RBFOX2: variants seen among roughly 807,000 people sequenced by gnomAD.
The protein encoded by RBFOX2 is RNA binding fox-1 homolog 2.
A neutral mutation model predicts 49.1 loss-of-function variants in RBFOX2; 10 were observed. That is an observed-to-expected ratio of 0.20 (90% CI 0.13 to 0.35). The LOEUF (loss-of-function observed/expected upper bound fraction) is 0.35. RBFOX2 is among the 10% of genes least tolerant of loss of function. RBFOX2 has a pLI of 1.00. For missense variants in RBFOX2, 323 were observed against 486.9 expected (o/e 0.66, Z 3.17); for synonymous variants, 183 against 187.4 (o/e 0.98, Z 0.19).
At chr22:35,975,766 C>T (rs2057115979) in intron 1 of RBFOX2, among the ~76,000 whole-genome samples, 1 of 151,812 alleles carries the variant, frequency 6.6e-6, no homozygotes. Flanking sequence ...CCCACTTGAT[C>T]ACTAGTGTTT....
chr22:35,942,171 A>G (rs2149772610), upstream of RBFOX2, among the ~76,000 whole-genome samples: 1 of 152,282 alleles, frequency 6.6e-6, no homozygotes, highest in East Asian at 1.9e-4. Context: ...TTTCCACTTA[A>G]TGGTTTTTGT....
exon 1 of RBFOX2, among the ~76,000 whole-genome samples, chr22:36,028,644 T>C (rs1313484692): frequency 6.7e-6 from 1 of 148,398 alleles, no homozygotes; most frequent in Non-Finnish European, 1.5e-5. Context: ...CGCCGGGTTG[T>C]CGGCGCGGGG....
At chr22:35,923,945 CAA>C (rs11295577) in intron 1 of RBFOX2, among the ~76,000 whole-genome samples, 10 of 134,096 alleles carry the variant, frequency 7.5e-5, no homozygotes, top group African/African-American at 2.1e-4. Context: ...AAGTAAAATG[CAA>C]AAAAAAAAAA....
chr22:35,744,306 G>A, intron 11 of RBFOX2, 57 bp from the exon 14 acceptor site: 2 of 1,489,538 alleles, frequency 1.3e-6, no homozygotes, highest in Admixed American at 2.0e-5. Flanking sequence ...AGCATTAACA[G>A]TGAAGAAAAA....
chr22:35,887,178 T>C (rs1227600159), intron 1 of RBFOX2, among the ~76,000 whole-genome samples: 2 of 151,932 alleles, frequency 1.3e-5, no homozygotes, highest in East Asian at 1.9e-4. Context: ...TTAAAACAAA[T>C]AGTAAAGGCG....
chr22:35,945,689 G>A (rs1363749334), intron 1 of RBFOX2, among the ~76,000 whole-genome samples: 1 of 152,060 alleles, frequency 6.6e-6, no homozygotes, highest in East Asian at 1.9e-4. Context: ...GTCCTGCCTC[G>A]GCCTCCCAAA....
At chr22:35,919,019 T>G (rs1207476101) in intron 1 of RBFOX2, among the ~76,000 whole-genome samples, 1 of 152,168 alleles carries the variant, frequency 6.6e-6, no homozygotes, top group Non-Finnish European at 1.5e-5. Context: ...ATGTGGTATA[T>G]CCACATAATG....
chr22:35,843,669 T>C (rs2040802397), upstream of RBFOX2, among the ~76,000 whole-genome samples: 5 of 152,358 alleles, frequency 3.3e-5, no homozygotes, highest in South Asian at 1.0e-3. Flanking sequence ...CCTCTTTCCC[T>C]GTTCACCCTC....
intron 1 of RBFOX2, among the ~76,000 whole-genome samples, chr22:35,976,158 A>G (rs1362227088): frequency 6.6e-6 from 1 of 152,182 alleles, no homozygotes; most frequent in African/African-American, 2.4e-5. Context: ...GCTGAACAAC[A>G]TGGTTACTAA....
chr22:35,909,147 C>T (rs1282183172), intron 1 of RBFOX2, among the ~76,000 whole-genome samples: 1 of 152,090 alleles, frequency 6.6e-6, no homozygotes, highest in Non-Finnish European at 1.5e-5. Flanking sequence ...CAGCACATCT[C>T]GCTATCTTTC....
upstream of RBFOX2, among the ~76,000 whole-genome samples, chr22:35,942,255 T>C (rs1372981568): frequency 6.6e-6 from 1 of 152,132 alleles, no homozygotes; most frequent in Admixed American, 6.5e-5. Context: ...TTAGCAAAAA[T>C]GAAAACACCA....
chr22:35,886,408 C>T lies in RBFOX2; in HGVS notation c.-34+52439G>A, dbSNP rs145141395. 1.2e-3 allele frequency among the ~76,000 whole-genome samples: 176 copies of T among 152,274 alleles called. 1 individual carries two copies. In the East Asian group the frequency reaches 0.016, roughly 14 times the overall value. ...GAATGTAATGCTTTCAACTGGATTACAACTTTTAAAAGCAATATAGTCATG... is the reference window on the plus strand; with the variant it reads ...GAATGTAATGCTTTCAACTGGATTATAACTTTTAAAAGCAATATAGTCATG... On this transcript the variant is annotated intron_variant, in intron 1 of 13. Transcript: ENST00000359369.
At chr22:35,876,887 A>G (rs1294755051) in intron 1 of RBFOX2, among the ~76,000 whole-genome samples, 2 of 152,184 alleles carry the variant, frequency 1.3e-5, no homozygotes, top group Non-Finnish European at 2.9e-5. Context: ...GATAGCTAAA[A>G]TAGCAGAAAA....
chr22:35,978,383 T>C (rs1344470540), intron 1 of RBFOX2, among the ~76,000 whole-genome samples: 1 of 152,234 alleles, frequency 6.6e-6, no homozygotes, highest in African/African-American at 2.4e-5. Flanking sequence ...TGTACATATG[T>C]ATGTACACAT....
At chr22:35,884,460 T>C (rs2046320173) in intron 1 of RBFOX2, among the ~76,000 whole-genome samples, 1 of 152,114 alleles carries the variant, frequency 6.6e-6, no homozygotes, top group South Asian at 2.1e-4. Context: ...GGGGCTGCAA[T>C]CATTAAAGCT....
chr22:35,940,139 G>A (rs1008574128), upstream of RBFOX2, among the ~76,000 whole-genome samples: 8 of 152,180 alleles, frequency 5.3e-5, no homozygotes, highest in African/African-American at 1.9e-4. Context: ...ATAGTCAAAA[G>A]CATGGAAGTC....
At chr22:36,016,202 T>C (rs1323936489) in intron 1 of RBFOX2, among the ~76,000 whole-genome samples, 1 of 151,958 alleles carries the variant, frequency 6.6e-6, no homozygotes, top group African/African-American at 2.4e-5. Context: ...AAAAAGCTTC[T>C]TAAAAGAAAA....
intron 5 of RBFOX2, 61 bp downstream of exon 6, chr22:35,768,196 G>T: frequency 1.3e-6 from 2 of 1,553,350 alleles, no homozygotes; most frequent in Middle Eastern, 1.8e-4. Context: ...ACTAAGTGAG[G>T]CAACACGAAA....
chr22:35,993,716 CTG>C (rs761473753), intron 1 of RBFOX2: 1 of 152,138 alleles, frequency 6.6e-6, no homozygotes, highest in African/African-American at 2.4e-5. Flanking sequence ...TTGTAGTGCA[CTG>C]TGTTATGAAT....
Sources: allele counts gnomAD v4.1 joint callset (sites outside exome capture counted in the v4.1 genomes callset), GRCh38; gene constraint gnomAD v4.1.1; transcripts MANE v1.5; gene names NCBI Gene and HGNC (gene_info 2026-07-23, HGNC 2026-07-21).